RGS20: variants seen among roughly 807,000 people sequenced by gnomAD.
RGS20 encodes the protein regulator of G protein signaling 20.
A neutral mutation model predicts 33.6 loss-of-function variants in RGS20; 30 were observed. That is an observed-to-expected ratio of 0.89 (90% confidence interval 0.67 to 1.21). RGS20 has a LOEUF of 1.21. Among genes scored for constraint, RGS20 ranks in the 50% most tolerant of loss-of-function variants. The pLI is 0.00. For synonymous variants in RGS20, 208 were observed against 197.9 expected, an observed-to-expected ratio of 1.05 and a Z score of -0.43; for missense variants, 472 against 502.4, an observed-to-expected ratio of 0.94 and a Z score of 0.58.
chr8:53,955,665 A>G (rs1814845661), intron 5 of RGS20, among the ~76,000 whole-genome samples: 1 of 152,098 alleles, frequency 6.6e-6, no homozygotes, highest in Non-Finnish European at 1.5e-5. Context: ...CCCCATCTCT[A>G]CTAAAAATAC....
intron 3 of RGS20, among the ~76,000 whole-genome samples, chr8:53,940,715 G>T (rs1225423666): frequency 6.6e-6 from 1 of 152,194 alleles, no homozygotes; most frequent in Non-Finnish European, 1.5e-5. Flanking sequence ...TCCCGATACC[G>T]ATGGTCTCTT....
At chr8:53,878,306 C>G (rs1276928386) in intron 1 of RGS20, among the ~76,000 whole-genome samples, 3 of 152,184 alleles carry the variant, frequency 2.0e-5, no homozygotes, top group African/African-American at 7.2e-5. Flanking sequence ...TAAAAAGCCA[C>G]TGAGTTCAAC....
In RGS20 at chr8:53,958,315, G is replaced by A. The variant is rs1814934016; in HGVS notation, c.1024G>A (p.Val342Met). The A allele has an allele frequency of 2.5e-6, 4 of 1,613,382 alleles. No individual in the cohort carries two copies. In the African/African-American group the frequency reaches 4.0e-5, roughly 16 times the overall value. ...GAGAGAAGTGATCAACAGAAACATG[G>A]TGGAGCCATCCCAACACATATTCGA... Residue 342 changes from valine (V) to methionine (M), a missense_variant, in exon 6 of 6, where the codon GTG becomes ATG. Coordinates refer to ENST00000297313, the MANE Select transcript of RGS20 (RefSeq NM_170587.4).
In RGS20 at chr8:53,874,529, CAAGT is replaced by C. The variant is rs1206346238; in HGVS notation, c.166-4725_166-4722del. ...AGGGCAAGCCAGCAGGCTGGAAATT[CAAGT>C]AAGAGCTGATGTTGCAGTCTTCATT... On this transcript the variant is annotated intron_variant, in intron 1 of 5. Coordinates refer to ENST00000297313, the MANE Select transcript of RGS20 (RefSeq NM_170587.4). 2.0e-5 allele frequency among the ~76,000 whole-genome samples: 3 copies of C among 152,280 alleles called. No homozygotes were observed. In the East Asian group the frequency reaches 5.8e-4, roughly 29 times the overall value.
At chr8:53,856,200 A>G (rs926331257) in intron 1 of RGS20, among the ~76,000 whole-genome samples, 3 of 149,866 alleles carry the variant, frequency 2.0e-5, no homozygotes, top group African/African-American at 7.5e-5. Context: ...TCATCAGATT[A>G]TTTATTTATT....
chr8:53,915,116 G>C (rs551193590), intron 2 of RGS20, among the ~76,000 whole-genome samples: 5 of 150,806 alleles, frequency 3.3e-5, no homozygotes, highest in African/African-American at 9.8e-5. Flanking sequence ...TGCACTTCCA[G>C]CCTGGGCAAC....
At chr8:53,893,081 A>G (rs1437459228) in intron 2 of RGS20, among the ~76,000 whole-genome samples, 1 of 152,210 alleles carries the variant, frequency 6.6e-6, no homozygotes, top group African/African-American at 2.4e-5. Flanking sequence ...TTCGTGTTAT[A>G]TCAAGTAGGG....
At chr8:53,852,104 G>A (rs1811579386) in intron 1 of RGS20, 1 of 1,543,740 alleles carries the variant, frequency 6.5e-7, no homozygotes, top group Non-Finnish European at 8.8e-7. Context: ...TTCCCGTCAA[G>A]GGAAAGTGTT....
chr8:53,907,372 A>T (rs1813211331), intron 2 of RGS20, among the ~76,000 whole-genome samples: 1 of 152,022 alleles, frequency 6.6e-6, no homozygotes, highest in Non-Finnish European at 1.5e-5. Context: ...AGATCACGAG[A>T]TCAGGAGTTC....
intron 2 of RGS20, among the ~76,000 whole-genome samples, chr8:53,895,374 A>T (rs949592926): frequency 6.6e-6 from 1 of 152,182 alleles, no homozygotes; most frequent in Non-Finnish European, 1.5e-5. Context: ...CCTGGGCTAG[A>T]GGCAGAAATG....
chr8:53,914,175 C>CATGCATCACCACATCTGGCTA (rs1813422744), intron 2 of RGS20, among the ~76,000 whole-genome samples: 1 of 152,070 alleles, frequency 6.6e-6, no homozygotes, highest in Admixed American at 6.5e-5. Flanking sequence ...GTACTATAGG[C>CATGCATCACCACATCTGGCTA]ATGCATCACC....
At chr8:53,935,174 G>C (rs1046383889) in intron 2 of RGS20, among the ~76,000 whole-genome samples, 1 of 152,196 alleles carries the variant, frequency 6.6e-6, no homozygotes, top group South Asian at 2.1e-4. Context: ...ATCTAGAATT[G>C]ACACCCTAAC....
intron 4 of RGS20, among the ~76,000 whole-genome samples, chr8:53,948,494 T>G (rs1814607891): frequency 7.7e-6 from 1 of 129,408 alleles, no homozygotes; most frequent in African/African-American, 2.9e-5. Context: ...CTATATATGA[T>G]ACAGTATATA....
chr8:53,928,754 C>G (rs1386461517), intron 2 of RGS20, among the ~76,000 whole-genome samples: 1 of 151,130 alleles, frequency 6.6e-6, no homozygotes, highest in Non-Finnish European at 1.5e-5. Flanking sequence ...ACCTGGGAGG[C>G]AGAGGTTGCG....
intron 1 of RGS20, among the ~76,000 whole-genome samples, chr8:53,855,088 G>A (rs181357053): frequency 3.4e-4 from 51 of 151,922 alleles, no homozygotes; most frequent in African/African-American, 9.7e-4. Flanking sequence ...TCTTTGAGAC[G>A]GAGTCTTGCT....
At chr8:53,922,133 G>A (rs747729929) in intron 2 of RGS20, among the ~76,000 whole-genome samples, 38 of 151,678 alleles carry the variant, frequency 2.5e-4, no homozygotes, top group African/African-American at 8.5e-4. Flanking sequence ...TTGAATTGTC[G>A]GTTTTTCCCT....
At chr8:53,886,640 G>C (rs1585888220) in intron 2 of RGS20, among the ~76,000 whole-genome samples, 1 of 152,278 alleles carries the variant, frequency 6.6e-6, no homozygotes, top group East Asian at 1.9e-4. Flanking sequence ...CTGAGGTGCT[G>C]GGTTGTACGA....
chr8:53,881,485 A>G (rs1052832089), intron 2 of RGS20, among the ~76,000 whole-genome samples: 1 of 151,888 alleles, frequency 6.6e-6, no homozygotes, highest in African/African-American at 2.4e-5. Flanking sequence ...CGGCTTTCTC[A>G]CGGGATAGGG....
At chr8:53,894,460 T>C (rs1812798465) in intron 2 of RGS20, among the ~76,000 whole-genome samples, 1 of 152,184 alleles carries the variant, frequency 6.6e-6, no homozygotes, top group South Asian at 2.1e-4. Flanking sequence ...GAGAACTGTC[T>C]TGGGAATGCT....
Sources: gnomAD v4.1 joint callset for allele counts (sites outside exome capture counted in the v4.1 genomes callset) on GRCh38, gnomAD v4.1.1 for gene constraint, MANE v1.5 for transcripts, NCBI Gene and HGNC (gene_info 2026-07-23, HGNC 2026-07-21) for gene names.